The following TUSC3 variants were observed in gnomAD, a reference collection of about 807,000 sequenced individuals.
TUSC3 encodes tumor suppressor candidate 3.
A neutral mutation model predicts 44.8 loss-of-function variants in TUSC3; 45 were observed. The observed-to-expected ratio is 1.00, with a 90% CI of 0.79 to 1.29. The LOEUF is 1.29. Ranked by LOEUF, TUSC3 falls within the 50% of genes most tolerant of loss-of-function variation. The pLI is 0.00. For missense variants in TUSC3, 519 were observed against 437.9 expected (o/e 1.19, Z -1.65); for synonymous variants, 212 against 152.9 (o/e 1.39, Z -2.85).
intron 6 of TUSC3, 54 bp downstream of exon 6, chr8:15,673,890 G>A (rs929672810): frequency 9.7e-6 from 14 of 1,438,532 alleles, no homozygotes; most frequent in Non-Finnish European, 1.3e-5. Context: ...GCTTAATTTA[G>A]GAATAAGAAA....
At chr8:15,712,158 A>G (rs922303023) in intron 6 of TUSC3, among the ~76,000 whole-genome samples, 1 of 151,976 alleles carries the variant, frequency 6.6e-6, no homozygotes, top group Non-Finnish European at 1.5e-5. Flanking sequence ...CAAATAAGTA[A>G]TAGCTTATTT....
chr8:15,590,578 A>G (rs947096366), intron 1 of TUSC3, among the ~76,000 whole-genome samples: 3 of 151,998 alleles, frequency 2.0e-5, no homozygotes, highest in Admixed American at 6.6e-5. Flanking sequence ...TTCCCTGAAC[A>G]CCACTCTGCC....
At chr8:15,763,517 C>G (rs1260423433) in intron 10 of TUSC3, among the ~76,000 whole-genome samples, 1 of 151,672 alleles carries the variant, frequency 6.6e-6, no homozygotes, top group South Asian at 2.1e-4. Context: ...GTTGTCAAGA[C>G]TCAAAAAGAA....
At chr8:15,733,487 C>T (rs762005942) in intron 7 of TUSC3, 5 of 300,422 alleles carry the variant, frequency 1.7e-5, no homozygotes, top group Non-Finnish European at 2.7e-5. Flanking sequence ...TGAGATCATC[C>T]TTTTATTGTA....
chr8:15,430,282 G>C (rs564929151), intron 1 of TUSC3, among the ~76,000 whole-genome samples: 1 of 147,558 alleles, frequency 6.8e-6, no homozygotes, highest in Non-Finnish European at 1.5e-5. Context: ...TATCCACCAT[G>C]ATCAAGTGGG....
At chr8:15,565,312 T>TA (rs1440737070) in intron 1 of TUSC3, among the ~76,000 whole-genome samples, 1 of 152,144 alleles carries the variant, frequency 6.6e-6, no homozygotes, top group African/African-American at 2.4e-5. Flanking sequence ...CAGAGACCCT[T>TA]ACTATTTTGG....
the TUSC3 span, among the ~76,000 whole-genome samples, chr8:15,827,875 T>A: frequency 1.3e-5 from 2 of 152,094 alleles, no homozygotes; most frequent in African/African-American, 4.8e-5. Context: ...ATAGGGTGAA[T>A]ATATGCAGGA....
At chr8:15,607,826 A>C (rs1360897480) in intron 1 of TUSC3, among the ~76,000 whole-genome samples, 1 of 152,194 alleles carries the variant, frequency 6.6e-6, no homozygotes, top group Non-Finnish European at 1.5e-5. Context: ...TGCTATTAAA[A>C]ATGTAGAAAT....
At position 15,540,280 on chromosome 8, in the gene TUSC3, C is replaced by T. The variant is rs1458299386; in HGVS notation, c.-151C>T. The T allele has an allele frequency of 8.8e-7, 1 of 1,133,862 alleles. No individual in the cohort carries two copies. The highest frequency in any genetic ancestry group is 1.2e-6 in the Non-Finnish European group (1 of 863,850). 70.2% of individuals were successfully genotyped at this position (1,133,862 alleles called of 1,614,324 possible). The stretch of plus-strand genomic sequence containing the variant: ...GCTCTGTCAGTCTCCTCCTCTGCGT[C>T]CTCGGCCGCGGCCCGGGTCCCTCGC... On this transcript the variant is annotated 5_prime_UTR_variant, in exon 1 of 11. Coordinates refer to ENST00000503731, the MANE Select transcript of TUSC3 (RefSeq NM_006765.4).
the TUSC3 span, among the ~76,000 whole-genome samples, chr8:15,794,260 C>T: frequency 2.0e-5 from 3 of 152,050 alleles, no homozygotes; most frequent in African/African-American, 7.2e-5. Context: ...GAGGATCCAG[C>T]TTTTTTTGAG....
the TUSC3 span, chr8:15,806,828 C>T: frequency 0.51 from 460,387 of 907,928 alleles, 124,351 homozygotes; most frequent in Non-Finnish European, 0.57. Context: ...CTTTCCTGTT[C>T]CTACAAAGTA....
At chr8:15,661,753 G>A (rs1162876575) in intron 4 of TUSC3, among the ~76,000 whole-genome samples, 1 of 151,804 alleles carries the variant, frequency 6.6e-6, no homozygotes, top group East Asian at 1.9e-4. Flanking sequence ...CAGAATGGGG[G>A]AAAATATTTG....
At chr8:15,430,879 T>C (rs1301252455) in intron 1 of TUSC3, among the ~76,000 whole-genome samples, 10 of 151,798 alleles carry the variant, frequency 6.6e-5, no homozygotes, top group Admixed American at 6.6e-4. Context: ...CATCTGATTA[T>C]CCAGATTTTT....
chr8:15,779,181 G>T, the TUSC3 span, among the ~76,000 whole-genome samples: 1 of 144,716 alleles, frequency 6.9e-6, no homozygotes, highest in African/African-American at 2.6e-5. Flanking sequence ...GAGAAATACT[G>T]TCGCCAGTAG....
At chr8:15,455,250 G>C (rs1313705192) in intron 1 of TUSC3, among the ~76,000 whole-genome samples, 1 of 152,128 alleles carries the variant, frequency 6.6e-6, no homozygotes, top group Non-Finnish European at 1.5e-5. Flanking sequence ...AGGACTGGTG[G>C]ATCATAATCT....
intron 6 of TUSC3, among the ~76,000 whole-genome samples, chr8:15,699,181 A>T (rs894042481): frequency 3.3e-5 from 5 of 152,188 alleles, no homozygotes; most frequent in Admixed American, 2.0e-4. Context: ...ACAATTTTTT[A>T]AAAATACACT....
At chr8:15,649,705 A>G (rs549408541) in intron 2 of TUSC3, among the ~76,000 whole-genome samples, 88 of 151,904 alleles carry the variant, frequency 5.8e-4, no homozygotes, top group African/African-American at 1.7e-3. Context: ...TTGCACTGCA[A>G]TCTCCTTTGA....
chr8:15,434,534 T>C (rs948554161), intron 1 of TUSC3, among the ~76,000 whole-genome samples: 1 of 151,088 alleles, frequency 6.6e-6, no homozygotes, highest in African/African-American at 2.4e-5. Flanking sequence ...CCATTCCTTT[T>C]TTTTTTTTTT....
chr8:15,458,002 C>G (rs193013633), intron 1 of TUSC3, among the ~76,000 whole-genome samples: 2 of 151,702 alleles, frequency 1.3e-5, no homozygotes, highest in East Asian at 3.9e-4. Context: ...ACATAATGTA[C>G]TTTGTATAAA....
Sources: allele counts gnomAD v4.1 joint callset (sites outside exome capture counted in the v4.1 genomes callset), GRCh38; gene constraint gnomAD v4.1.1; transcripts MANE v1.5; gene names NCBI Gene and HGNC (gene_info 2026-07-23, HGNC 2026-07-21).